The following GNA14 variants were observed in gnomAD, a reference collection of about 807,000 sequenced individuals.
The protein encoded by GNA14 is G protein subunit alpha 14, also known as guanine nucleotide-binding protein subunit alpha-14.
GNA14 carries 50 observed loss-of-function variants against 42.0 expected under a neutral mutation model. The observed-to-expected ratio is 1.19, with a 90% CI of 0.95 to 1.51. The LOEUF (loss-of-function observed/expected upper bound fraction) is 1.51. Among genes scored for constraint, GNA14 ranks in the 40% most tolerant of loss-of-function variants. The pLI, the probability that GNA14 is intolerant of heterozygous loss-of-function variation, is 0.00. For synonymous variants in GNA14, 173 were observed against 163.1 expected (o/e 1.06, Z -0.46); for missense variants, 473 against 446.2 (o/e 1.06, Z -0.54).
At chr9:77,634,448 CGAAAG>C (rs1243218278) in intron 1 of GNA14, among the ~76,000 whole-genome samples, 11 of 118,360 alleles carry the variant, frequency 9.3e-5, no homozygotes, top group East Asian at 9.0e-4. Context: ...AGGAAGGAAG[CGAAAG>C]GAAAGGAAAG....
At chr9:77,503,455 T>C (rs1020026402) in intron 2 of GNA14, among the ~76,000 whole-genome samples, 45 of 152,290 alleles carry the variant, frequency 3.0e-4, no homozygotes, top group African/African-American at 9.9e-4. Flanking sequence ...GAGCTTCCCA[T>C]AGAAGTATGG....
intron 1 of GNA14, among the ~76,000 whole-genome samples, chr9:77,592,541 T>C (rs1248452884): frequency 6.6e-6 from 1 of 152,128 alleles, no homozygotes; most frequent in Non-Finnish European, 1.5e-5. Context: ...GGCCACCCCT[T>C]TGGGGGAGAC....
intron 1 of GNA14, among the ~76,000 whole-genome samples, chr9:77,597,658 A>G (rs766111650): frequency 1.3e-5 from 2 of 151,404 alleles, no homozygotes; most frequent in Non-Finnish European, 3.0e-5. Flanking sequence ...AAGTGGCAAA[A>G]CCCGCAATTA....
chr9:77,506,117 AAATC>A (rs977668886), intron 2 of GNA14, among the ~76,000 whole-genome samples: 3 of 151,674 alleles, frequency 2.0e-5, no homozygotes, highest in African/African-American at 7.3e-5. Flanking sequence ...AAAAATAATT[AAATC>A]AACAAATAAA....
intron 2 of GNA14, among the ~76,000 whole-genome samples, chr9:77,518,271 T>C (rs970293733): frequency 4.6e-5 from 7 of 152,202 alleles, no homozygotes; most frequent in Non-Finnish European, 8.8e-5. Flanking sequence ...CTTTCTAGTA[T>C]ACCAAGAGCT....
intron 1 of GNA14, among the ~76,000 whole-genome samples, chr9:77,579,788 G>C (rs1163651151): frequency 6.6e-6 from 1 of 152,130 alleles, no homozygotes; most frequent in East Asian, 1.9e-4. Flanking sequence ...TGAAGTGCTT[G>C]GACAGAAATT....
In GNA14 at chr9:77,423,802, T is replaced by C; in HGVS notation, c.*177A>G. 2.5e-6 allele frequency: 1 copy of C among 393,058 alleles called. No individual in the cohort carries two copies. Among genetic ancestry groups the C allele is most frequent in the Non-Finnish European group, 4.6e-6 (1 of 218,770 alleles). The allele number at this position is 393,058 out of a possible 1,614,324, so 24.3% of individuals were successfully genotyped here. A position where few individuals can be genotyped will look rare whatever the true frequency, so the allele number is the denominator to read the frequency against. On this transcript the variant is annotated 3_prime_UTR_variant, in exon 7 of 7. Transcript: ENST00000341700. ...TTGGGATGTAAGGACTTTTAAAGTA[T>C]GTTGGTAAACTCAAATATCTTCCAA...
chr9:77,600,398 T>C (rs1337073853), intron 1 of GNA14, among the ~76,000 whole-genome samples: 2 of 152,204 alleles, frequency 1.3e-5, no homozygotes, highest in African/African-American at 2.4e-5. Flanking sequence ...TGAGAGCAAT[T>C]GATTTCTCCT....
chr9:77,434,424 G>A lies in GNA14; in HGVS notation c.408C>T (p.Gly136=). ...EAIKQLWQDP[G]IQECYDRRRE... Reference sequence around the variant, plus strand: ...TCCTCCTGTCGTAACACTCCTGGATGCCTGGATCTTGCCAGAGCTGCTTGA... The same window carrying A: ...TCCTCCTGTCGTAACACTCCTGGATACCTGGATCTTGCCAGAGCTGCTTGA... Residue 136 remains glycine (G), a synonymous_variant, in exon 3 of 7, where the codon GGC becomes GGT. Coordinates refer to ENST00000341700, the MANE Select transcript of GNA14 (RefSeq NM_004297.4). 1 of 1,614,034 alleles carries A rather than the reference G, an allele frequency of 6.2e-7. No homozygotes were observed. Among genetic ancestry groups the A allele is most frequent in the Non-Finnish European group, 8.5e-7 (1 of 1,179,902 alleles).
chr9:77,627,635 C>T (rs1208170647), intron 1 of GNA14, among the ~76,000 whole-genome samples: 2 of 152,066 alleles, frequency 1.3e-5, no homozygotes, highest in East Asian at 1.9e-4. Context: ...AGAACCAACG[C>T]CCAAAAACCA....
At chr9:77,445,388 G>T (rs148047397) in intron 2 of GNA14, among the ~76,000 whole-genome samples, 6 of 151,672 alleles carry the variant, frequency 4.0e-5, no homozygotes, top group Non-Finnish European at 8.8e-5. Flanking sequence ...CAAGGAATGC[G>T]TGTATTCGGC....
intron 2 of GNA14, among the ~76,000 whole-genome samples, chr9:77,490,403 G>A (rs149964415): frequency 0.013 from 1,929 of 152,354 alleles, 33 homozygotes; most frequent in African/African-American, 0.044. Flanking sequence ...GCCCTTGGGC[G>A]GTGGATGGGA....
chr9:77,553,835 A>G (rs1344464797), intron 1 of GNA14, among the ~76,000 whole-genome samples: 2 of 152,362 alleles, frequency 1.3e-5, no homozygotes, highest in East Asian at 3.9e-4. Context: ...ATGTAATGGG[A>G]AAGTAATCAC....
chr9:77,585,059 T>C (rs78432973), intron 1 of GNA14, among the ~76,000 whole-genome samples: 2,480 of 152,252 alleles, frequency 0.016, 91 homozygotes, highest in African/African-American at 0.057. Flanking sequence ...TGACTTAGAA[T>C]GCCGAACCAT....
intron 1 of GNA14, among the ~76,000 whole-genome samples, chr9:77,556,526 G>T (rs1270497254): frequency 1.3e-5 from 2 of 152,114 alleles, no homozygotes. Flanking sequence ...ATCATTCCAG[G>T]CCACCACCAG....
intron 1 of GNA14, among the ~76,000 whole-genome samples, chr9:77,548,947 C>CT (rs901758498): frequency 5.4e-5 from 8 of 147,432 alleles, no homozygotes; most frequent in African/African-American, 1.2e-4. Flanking sequence ...TTTTTTTTTT[C>CT]TTTTTTTTTC....
At chr9:77,537,955 T>C (rs1837616750) in intron 1 of GNA14, among the ~76,000 whole-genome samples, 1 of 152,230 alleles carries the variant, frequency 6.6e-6, no homozygotes. Flanking sequence ...GAGTTCCTTG[T>C]ATATTCTGGA....
At chr9:77,462,042 T>C (rs1288695333) in intron 2 of GNA14, among the ~76,000 whole-genome samples, 1 of 152,192 alleles carries the variant, frequency 6.6e-6, no homozygotes, top group African/African-American at 2.4e-5. Context: ...TACTGAGGGC[T>C]TTTAGGCTGA....
intron 1 of GNA14, among the ~76,000 whole-genome samples, chr9:77,630,968 T>C (rs1824088512): frequency 6.6e-6 from 1 of 152,184 alleles, no homozygotes; most frequent in Admixed American, 6.5e-5. Context: ...GCCTTAGGAT[T>C]GCAAAAAATT....
Sources: allele counts gnomAD v4.1 joint callset (sites outside exome capture counted in the v4.1 genomes callset), GRCh38; gene constraint gnomAD v4.1.1; transcripts MANE v1.5; gene names NCBI Gene and HGNC (gene_info 2026-07-23, HGNC 2026-07-21).